The following RAP1A variants were observed in gnomAD, a reference collection of about 807,000 sequenced individuals.
RAP1A encodes the protein RAP1A, member of RAS oncogene family.
Under a neutral mutation model 26.4 loss-of-function variants are expected in RAP1A, and 6 were observed. The observed-to-expected ratio is 0.23, with a 90% CI of 0.12 to 0.45. The LOEUF (loss-of-function observed/expected upper bound fraction) is 0.45. Among genes scored for constraint, RAP1A ranks in the 20% least tolerant of loss-of-function variants. The pLI is 0.99. For synonymous variants in RAP1A, 73 were observed against 79.4 expected (o/e 0.92, Z 0.43); for missense variants, 121 against 217.2 (o/e 0.56, Z 2.78).
chr1:111,679,422 A>G (rs1170251993), intron 1 of RAP1A, among the ~76,000 whole-genome samples: 1 of 152,162 alleles, frequency 6.6e-6, no homozygotes. Flanking sequence ...TTGGGTCCCT[A>G]CACCACCAGG....
At chr1:111,595,170 G>A (rs924559828) in intron 1 of RAP1A, among the ~76,000 whole-genome samples, 1 of 152,138 alleles carries the variant, frequency 6.6e-6, no homozygotes, top group Non-Finnish European at 1.5e-5. Context: ...TTTTTAAACT[G>A]TAAGTCTTGA....
At chr1:111,690,435 C>A (rs972893482) in intron 1 of RAP1A, among the ~76,000 whole-genome samples, 1 of 152,252 alleles carries the variant, frequency 6.6e-6, no homozygotes, top group African/African-American at 2.4e-5. Context: ...GCTTCCACTT[C>A]TCTGGCCCAC....
Position 111,579,415 on chromosome 1 carries a change from T to C in RAP1A, c.-28+36906T>C, listed in dbSNP as rs577092876. ...AAAAGACCAAAGATATTTTACATCA[T>C]ATCACAAGGGGAAAGGGAGCCAACA... On this transcript the variant is annotated intron_variant, in intron 1 of 7. Transcript: ENST00000356415. 5.1e-4 allele frequency among the ~76,000 whole-genome samples: 78 copies of C among 152,328 alleles called. No homozygotes were observed. The South Asian group carries it at 0.016, about 31-fold the overall frequency.
intron 1 of RAP1A, among the ~76,000 whole-genome samples, chr1:111,598,224 C>A (rs897519782): frequency 6.6e-6 from 1 of 152,164 alleles, no homozygotes; most frequent in Admixed American, 6.5e-5. Context: ...ATCTAAATAG[C>A]TAACATTTGT....
chr1:111,642,703 G>A (rs547277292), intron 1 of RAP1A, among the ~76,000 whole-genome samples: 1 of 151,538 alleles, frequency 6.6e-6, no homozygotes, highest in African/African-American at 2.4e-5. Flanking sequence ...TAGCCAGGAT[G>A]GTTTCGATCT....
rs1160432785 is a variant in RAP1A at position 111,715,326 on chromosome 1, C to CCG, written c.*2926_*2927insGC. 2.0e-5 allele frequency: 3 copies of CCG among 151,446 alleles called. No homozygotes were observed. Among genetic ancestry groups the CCG allele is most frequent in the Admixed American group, 2.0e-4 (3 of 15,242 alleles). 9.4% of individuals were successfully genotyped at this position (151,446 alleles called of 1,614,324 possible). On this transcript the variant is annotated 3_prime_UTR_variant, in exon 8 of 8. Coordinates refer to ENST00000369709, the MANE Select transcript of RAP1A (RefSeq NM_002884.4). The stretch of plus-strand genomic sequence containing the variant: ...CTCCTGACTTCGTGATCCGCCCCCC[C>CCG]CTCAGCCTCCCAAAGTGCTGGGATT...
chr1:111,709,396 T>C, intron 7 of RAP1A, 132 bp downstream of exon 7: 1 of 1,042,528 alleles, frequency 9.6e-7, no homozygotes, highest in Non-Finnish European at 1.3e-6. Flanking sequence ...GATATATAAC[T>C]TGTAGGTACG....
At chr1:111,595,699 G>A (rs778484613) in intron 1 of RAP1A, among the ~76,000 whole-genome samples, 2 of 152,228 alleles carry the variant, frequency 1.3e-5, no homozygotes, top group African/African-American at 2.4e-5. Context: ...AAAGCAGAGA[G>A]AGTTGGCACC....
intron 1 of RAP1A, among the ~76,000 whole-genome samples, chr1:111,676,579 T>C (rs574985868): frequency 1.3e-5 from 2 of 152,256 alleles, no homozygotes; most frequent in South Asian, 4.1e-4. Context: ...TTACATGTAA[T>C]AAAATGTATA....
intron 1 of RAP1A, among the ~76,000 whole-genome samples, chr1:111,589,855 A>G (rs923756825): frequency 3.3e-5 from 5 of 151,858 alleles, no homozygotes; most frequent in Admixed American, 3.3e-4. Flanking sequence ...GATCACTTGA[A>G]CTCAAGTGAT....
At chr1:111,595,500 A>G (rs1476510184) in intron 1 of RAP1A, among the ~76,000 whole-genome samples, 1 of 152,216 alleles carries the variant, frequency 6.6e-6, no homozygotes, top group African/African-American at 2.4e-5. Flanking sequence ...CAATGAGTGA[A>G]AAAAAACAGT....
rs1335667884 is a variant in RAP1A, at chr1:111,714,403, A to G, written c.*2002A>G. Reference sequence around the variant, plus strand: ...CTCATCAACCAGTAAAACTTTCTAAATACTACCTTGTCACATCTATTGTGT... The same window carrying G: ...CTCATCAACCAGTAAAACTTTCTAAGTACTACCTTGTCACATCTATTGTGT... On this transcript the variant is annotated 3_prime_UTR_variant, in exon 8 of 8. Transcript: ENST00000369709. 6.6e-6 allele frequency: 1 copy of G among 152,246 alleles called. No homozygotes were observed. The highest frequency in any genetic ancestry group is 2.4e-5 in the African/African-American group (1 of 41,472). The allele number at this position is 152,246 out of a possible 1,614,324, so 9.4% of individuals were successfully genotyped here. A position where few individuals can be genotyped will look rare whatever the true frequency, so the allele number is the denominator to read the frequency against.
At chr1:111,694,837 C>A (rs939762498) in intron 2 of RAP1A, among the ~76,000 whole-genome samples, 2 of 152,082 alleles carry the variant, frequency 1.3e-5, no homozygotes, top group Non-Finnish European at 2.9e-5. Flanking sequence ...TTACAAGATG[C>A]TGCTTGAGGT....
At chr1:111,580,767 A>C (rs1439067702) in intron 1 of RAP1A, among the ~76,000 whole-genome samples, 1 of 152,052 alleles carries the variant, frequency 6.6e-6, no homozygotes, top group Non-Finnish European at 1.5e-5. Context: ...GAATCGCTTG[A>C]ACCCGGGAGG....
At chr1:111,636,875 C>A (rs1659744162) in intron 1 of RAP1A, among the ~76,000 whole-genome samples, 1 of 152,108 alleles carries the variant, frequency 6.6e-6, no homozygotes, top group Non-Finnish European at 1.5e-5. Context: ...TACTTCAGTA[C>A]ATAATTTTTT....
chr1:111,635,900 T>A (rs997563898), intron 1 of RAP1A, among the ~76,000 whole-genome samples: 1 of 151,998 alleles, frequency 6.6e-6, no homozygotes, highest in Non-Finnish European at 1.5e-5. Flanking sequence ...GAAACTGAGG[T>A]AAAAGATCCC....
chr1:111,634,381 G>T (rs893620533), intron 1 of RAP1A, among the ~76,000 whole-genome samples: 2 of 151,768 alleles, frequency 1.3e-5, no homozygotes, highest in African/African-American at 4.8e-5. Context: ...ATTGGTAAAT[G>T]CAGATTACCA....
chr1:111,659,883 A>G (rs1660578618), intron 1 of RAP1A, among the ~76,000 whole-genome samples: 1 of 152,190 alleles, frequency 6.6e-6, no homozygotes, highest in South Asian at 2.1e-4. Flanking sequence ...TTGGAACAGA[A>G]TATTCTTAAT....
At position 111,623,184 on chromosome 1, in the gene RAP1A, A is replaced by AT. The variant is rs34037836; in HGVS notation, c.-28+3264dup. On this transcript the variant is annotated intron_variant, in intron 1 of 7. Transcript: ENST00000369709. ...AGGTACCCACCACCACGCCCAGATA[A>AT]TTTTTTTTTTTTTTAATCGTTAGTA... 8.9e-5 allele frequency among the ~76,000 whole-genome samples: 13 copies of AT among 146,484 alleles called. No individual in the cohort carries two copies. The East Asian group carries it at 1.8e-3, about 20-fold the overall frequency.
Sources: gnomAD v4.1 joint callset for allele counts (sites outside exome capture counted in the v4.1 genomes callset) on GRCh38, gnomAD v4.1.1 for gene constraint, MANE v1.5 for transcripts, NCBI Gene and HGNC (gene_info 2026-07-23, HGNC 2026-07-21) for gene names.